The following CFLAR variants were observed in gnomAD, a reference collection of about 807,000 sequenced individuals.
CFLAR encodes CASP8 and FADD like apoptosis regulator, also known as CASP8 and FADD-like apoptosis regulator.
CFLAR carries 14 observed loss-of-function variants against 51.1 expected under a neutral mutation model. The ratio of observed to expected loss-of-function variants is 0.27; its 90% CI spans 0.18 to 0.43. CFLAR has a LOEUF of 0.43. Among genes scored for constraint, CFLAR ranks in the 20% least tolerant of loss-of-function variants. CFLAR has a pLI of 1.00. For missense variants in CFLAR, 390 were observed against 566.5 expected (o/e 0.69, Z 3.16); for synonymous variants, 210 against 211.6 (o/e 0.99, Z 0.06).
At chr2:201,126,200 G>A (rs941084247) in intron 1 of CFLAR, among the ~76,000 whole-genome samples, 3 of 151,630 alleles carry the variant, frequency 2.0e-5, no homozygotes, top group Admixed American at 2.0e-4. Flanking sequence ...GGGAGGGGGG[G>A]GTCTAGTTAA....
At chr2:201,117,428 T>G (rs1316073589) in intron 1 of CFLAR, among the ~76,000 whole-genome samples, 1 of 152,138 alleles carries the variant, frequency 6.6e-6, no homozygotes, top group African/African-American at 2.4e-5. Context: ...CAGAATCAGT[T>G]TTTGGCTCCA....
At chr2:201,136,361 G>A (rs756933730) in intron 4 of CFLAR, 1 of 1,598,454 alleles carries the variant, frequency 6.3e-7, no homozygotes, top group Non-Finnish European at 8.5e-7. Context: ...CAGTCTTCAA[G>A]AAAGAATCTG....
At position 201,171,834 on chromosome 2, in the gene CFLAR, C is replaced by T. The variant is rs930145486; in HGVS notation, c.*7861C>T. On this transcript the variant is annotated 3_prime_UTR_variant, in exon 10 of 10. Coordinates refer to ENST00000309955, the MANE Select transcript of CFLAR (RefSeq NM_003879.7). The stretch of plus-strand genomic sequence containing the variant: ...CTGTTAGCTCAGCCAAATTGAACAG[C>T]TCATATCTCCTACCTCTGGATCTTT... The T allele has an allele frequency of 5.3e-5, 8 of 152,214 alleles. No individual in the cohort carries two copies. Among genetic ancestry groups the T allele is most frequent in the African/African-American group, 1.9e-4 (8 of 41,438 alleles). The allele number at this position is 152,214 out of a possible 1,614,324, so 9.4% of individuals were successfully genotyped here. A position where few individuals can be genotyped will look rare whatever the true frequency, so the allele number is the denominator to read the frequency against.
At chr2:201,139,226 T>C in intron 4 of CFLAR, 4 of 355,138 alleles carry the variant, frequency 1.1e-5, no homozygotes, top group Non-Finnish European at 2.1e-5. Context: ...AACAGATGCT[T>C]GAAGGCAGCG....
chr2:201,140,518 C>T (rs1363377224), intron 5 of CFLAR, 79 bp downstream of exon 5: 2 of 1,025,832 alleles, frequency 1.9e-6, no homozygotes, highest in Non-Finnish European at 2.9e-6. Flanking sequence ...ATTCTCACAG[C>T]ATGTACTTTA....
chr2:201,148,256 T>C, intron 6 of CFLAR: 1 of 152,190 alleles, frequency 6.6e-6, no homozygotes, highest in East Asian at 1.9e-4. Flanking sequence ...ATCAATATTA[T>C]ACATATTTTT....
At chr2:201,140,235 G>A in intron 4 of CFLAR, 122 bp from the exon 5 acceptor site, 1 of 1,247,784 alleles carries the variant, frequency 8.0e-7, no homozygotes, top group Non-Finnish European at 1.1e-6. Flanking sequence ...ATTCAGTAAG[G>A]TGGCTAGAAA....
rs2049091730 is a variant in CFLAR, at chr2:201,130,108, C to A, written c.243C>A (p.Thr81=). 1 of 1,609,740 alleles carries A rather than the reference C, an allele frequency of 6.2e-7. No homozygotes were observed. Among genetic ancestry groups the A allele is most frequent in the Non-Finnish European group, 8.5e-7 (1 of 1,177,182 alleles). The stretch of plus-strand genomic sequence containing the variant: ...AGATGGACAGAAAAGCTGTGGAGAC[C>A]CACCTGCTCAGGAACCCTCACCTTG... ...ILKMDRKAVE[T]HLLRNPHLVS... The change falls in exon 2 of 10, where the codon ACC becomes ACA. Residue 81 remains threonine, a synonymous_variant. Transcript: ENST00000309955.
chr2:201,139,869 TC>T (rs1461421034), intron 4 of CFLAR: 1 of 153,664 alleles, frequency 6.5e-6, no homozygotes, highest in East Asian at 1.9e-4. Context: ...CCCCCTTTTT[TC>T]TTTCTCTATA....
At chr2:201,140,190 A>G (rs1938331816) in intron 4 of CFLAR, 167 bp from the exon 5 acceptor site, 6 of 736,636 alleles carry the variant, frequency 8.1e-6, no homozygotes, top group African/African-American at 1.9e-5. Context: ...TCCATTCTTC[A>G]TGATGTTTGG....
chr2:201,129,178 T>A (rs912116431), intron 1 of CFLAR, among the ~76,000 whole-genome samples: 1 of 152,082 alleles, frequency 6.6e-6, no homozygotes, highest in Non-Finnish European at 1.5e-5. Context: ...TGCCCTCAGG[T>A]GTGAGTGAGG....
intron 2 of CFLAR, 41 bp downstream of exon 2, chr2:201,130,187 G>GGGGGGGGGCA: frequency 3.8e-5 from 11 of 292,368 alleles, no homozygotes; most frequent in Non-Finnish European, 6.4e-5. Context: ...GGGTGGGAGG[G>GGGGGGGGGCA]AGTGAAGTGT....
At chr2:201,122,570 A>T (rs2048295319) in intron 1 of CFLAR, 1 of 152,246 alleles carries the variant, frequency 6.6e-6, no homozygotes, top group Non-Finnish European at 1.5e-5. Flanking sequence ...GTAAAAGCCT[A>T]TCTATCCCCA....
intron 9 of CFLAR, chr2:201,163,355 C>T: frequency 2.6e-6 from 3 of 1,167,196 alleles, no homozygotes; most frequent in East Asian, 4.9e-5. Context: ...TTCAGTTGCA[C>T]TCTAATTACA....
Position 201,173,279 on chromosome 2 carries a change from C to T in CFLAR, c.*9306C>T, listed in dbSNP as rs1413389940. ...CTGGAGTGCAGTGGTGCAATCTCAGCTCACTGCAAGCTCCGCCTCCTGGGT... is the reference window on the plus strand; with the variant it reads ...CTGGAGTGCAGTGGTGCAATCTCAGTTCACTGCAAGCTCCGCCTCCTGGGT... On this transcript the variant is annotated 3_prime_UTR_variant, in exon 10 of 10. Transcript: ENST00000309955. 1 of 152,086 alleles carries T rather than the reference C, an allele frequency of 6.6e-6. No individual in the cohort carries two copies. Among genetic ancestry groups the T allele is most frequent in the Non-Finnish European group, 1.5e-5 (1 of 68,070 alleles). 9.4% of individuals were successfully genotyped at this position (152,086 alleles called of 1,614,324 possible). A position where few individuals can be genotyped will look rare whatever the true frequency, so the allele number is the denominator to read the frequency against.
chr2:201,157,594 T>A (rs1942391459), intron 8 of CFLAR, among the ~76,000 whole-genome samples: 1 of 152,144 alleles, frequency 6.6e-6, no homozygotes, highest in Non-Finnish European at 1.5e-5. Context: ...CAGGGTGGTC[T>A]CAAACTCCTG....
At chr2:201,145,228 T>C in intron 5 of CFLAR, 150 bp from the exon 6 acceptor site, 1 of 530,590 alleles carries the variant, frequency 1.9e-6, no homozygotes, top group Non-Finnish European at 3.4e-6. Flanking sequence ...TAACAGCTCT[T>C]GCTATTCTTT....
At chr2:201,139,813 A>C (rs1280164450) in intron 4 of CFLAR, 1 of 152,778 alleles carries the variant, frequency 6.5e-6, no homozygotes, top group Non-Finnish European at 1.5e-5. Context: ...TAAGGGAACT[A>C]AGAGGCCGGC....
At chr2:201,158,648 C>T (rs1367731992) in intron 8 of CFLAR, among the ~76,000 whole-genome samples, 3 of 152,040 alleles carry the variant, frequency 2.0e-5, no homozygotes, top group Admixed American at 6.6e-5. Context: ...CACTGGGTAT[C>T]GAAACAAGCC....
Sources: gnomAD v4.1 joint callset for allele counts (sites outside exome capture counted in the v4.1 genomes callset) on GRCh38, gnomAD v4.1.1 for gene constraint, MANE v1.5 for transcripts, NCBI Gene and HGNC (gene_info 2026-07-23, HGNC 2026-07-21) for gene names.